PRSS23: variants seen among roughly 807,000 people sequenced by gnomAD.
PRSS23 encodes the protein protease, serine 23.
A neutral mutation model predicts 34.7 loss-of-function variants in PRSS23; 25 were observed. That is an observed-to-expected ratio of 0.72 (90% confidence interval 0.53 to 1.01). The LOEUF (loss-of-function observed/expected upper bound fraction) is 1.01, where lower values mean the gene tolerates loss of function less well. Ranked by LOEUF, PRSS23 falls within the 50% of genes least tolerant of loss-of-function variation. The pLI is 0.00. For synonymous variants in PRSS23, 176 were observed against 186.6 expected (o/e 0.94, Z 0.46); for missense variants, 445 against 475.6 (o/e 0.94, Z 0.60).
chr11:86,843,557 A>G (rs1948464219), intron 2 of PRSS23, among the ~76,000 whole-genome samples: 1 of 152,238 alleles, frequency 6.6e-6, no homozygotes, highest in Non-Finnish European at 1.5e-5. Flanking sequence ...TCTACAATGA[A>G]CTTAAACAAA....
At position 86,808,707 on chromosome 11, in the gene PRSS23, T is replaced by C; in HGVS notation, c.1064T>C (p.Phe355Ser). The C allele has an allele frequency of 6.2e-7, 1 of 1,614,186 alleles. No individual in the cohort carries two copies. Among genetic ancestry groups the C allele is most frequent in the Non-Finnish European group, 8.5e-7 (1 of 1,180,030 alleles). ...GACATGAATGGTTCCCCACAGGATT[T>C]CAACGTGGCTGTCAGAATCACTCCT... is the stretch of plus-strand genomic sequence containing the variant. ...WVDMNGSPQD[F>S]NVAVRITPLK... Residue 355 changes from phenylalanine to serine, a missense_variant, in exon 2 of 2, where the codon TTC becomes TCC. By Grantham distance (155) the Phe-to-Ser change is radical (BLOSUM62 -2). Coordinates refer to ENST00000280258, the MANE Select transcript of PRSS23 (RefSeq NM_007173.6).
intron 1 of PRSS23, among the ~76,000 whole-genome samples, chr11:86,819,769 C>T (rs1291431676): frequency 1.3e-5 from 2 of 152,198 alleles, no homozygotes; most frequent in Non-Finnish European, 2.9e-5. Context: ...AAGATGAATA[C>T]ATTTTCATCT....
At chr11:86,821,477 T>C in intron 1 of PRSS23, 1 of 1,610,240 alleles carries the variant, frequency 6.2e-7, no homozygotes, top group Non-Finnish European at 8.5e-7. Flanking sequence ...AGGACACTCT[T>C]TCAGAGCTTT....
intron 1 of PRSS23, among the ~76,000 whole-genome samples, chr11:86,794,030 C>T (rs2000538): frequency 7.2e-5 from 11 of 152,030 alleles, no homozygotes; most frequent in Admixed American, 4.6e-4. Context: ...GAATTTTCCA[C>T]AAAGTAAAGG....
intron 2 of PRSS23, among the ~76,000 whole-genome samples, chr11:86,916,938 C>T (rs1949016865): frequency 6.6e-6 from 1 of 152,180 alleles, no homozygotes; most frequent in African/African-American, 2.4e-5. Context: ...ACAGCTTAGC[C>T]CAGCACCGAG....
At chr11:86,872,424 GAT>G (rs1295631099) in intron 2 of PRSS23, among the ~76,000 whole-genome samples, 1 of 152,140 alleles carries the variant, frequency 6.6e-6, no homozygotes, top group Non-Finnish European at 1.5e-5. Flanking sequence ...ACACGTTCCT[GAT>G]TCCAACATTC....
chr11:86,921,968 G>A (rs1949049981), intron 2 of PRSS23: 2 of 152,178 alleles, frequency 1.3e-5, no homozygotes, highest in South Asian at 4.1e-4. Flanking sequence ...TAAACTTGAG[G>A]CTGACATCCA....
chr11:86,832,241 C>G (rs1206234759), intron 2 of PRSS23, among the ~76,000 whole-genome samples: 4 of 152,012 alleles, frequency 2.6e-5, no homozygotes, highest in African/African-American at 9.7e-5. Context: ...TGTGAACACC[C>G]TTGATATTAT....
chr11:86,944,438 CAA>C lies in PRSS23; in HGVS notation c.207-6775_207-6774del, dbSNP rs145252875. 7.1e-3 allele frequency among the ~76,000 whole-genome samples: 1,079 copies of C among 152,160 alleles called. 12 individuals are homozygous for C. Among genetic ancestry groups the C allele is most frequent in the African/African-American group, 0.025 (1,023 of 41,508 alleles). The stretch of plus-strand genomic sequence containing the variant: ...AACCCACAGGAGTATAAAACAAAAA[CAA>C]AAGAAAACCCTGTATAAAATAAAAA... On this transcript the variant is annotated intron_variant, in intron 2 of 2. Transcript: ENST00000533902.
chr11:86,878,641 G>C (rs2134957098), intron 2 of PRSS23, among the ~76,000 whole-genome samples: 1 of 152,164 alleles, frequency 6.6e-6, no homozygotes, highest in African/African-American at 2.4e-5. Context: ...CGCCTGCCTT[G>C]GCCTCCCAAA....
At chr11:86,852,439 GGC>G (rs1437167443) in intron 2 of PRSS23, among the ~76,000 whole-genome samples, 2 of 152,008 alleles carry the variant, frequency 1.3e-5, no homozygotes, top group African/African-American at 4.8e-5. Flanking sequence ...GAAGCTTTGG[GGC>G]TCTTCCTCTA....
intron 2 of PRSS23, among the ~76,000 whole-genome samples, chr11:86,848,542 A>T (rs1948505009): frequency 6.6e-6 from 1 of 152,204 alleles, no homozygotes; most frequent in Non-Finnish European, 1.5e-5. Context: ...GGAAAAGAAG[A>T]AAATCCCCTC....
chr11:86,822,243 T>G (rs1639102407), intron 1 of PRSS23, among the ~76,000 whole-genome samples: 1 of 152,170 alleles, frequency 6.6e-6, no homozygotes, highest in South Asian at 2.1e-4. Context: ...GCCAAAGAGA[T>G]AACAGGGGAG....
chr11:86,909,734 C>A (rs1184116103), intron 2 of PRSS23: 1 of 152,188 alleles, frequency 6.6e-6, no homozygotes, highest in Admixed American at 6.5e-5. Flanking sequence ...CATTAATGTA[C>A]CCCTTTCTAA....
intron 2 of PRSS23, among the ~76,000 whole-genome samples, chr11:86,873,808 G>A (rs568256799): frequency 5.3e-5 from 8 of 152,264 alleles, no homozygotes; most frequent in South Asian, 2.1e-4. Context: ...ATGAACGGAC[G>A]GAACATGAGA....
intron 2 of PRSS23, among the ~76,000 whole-genome samples, chr11:86,889,648 A>G (rs1948828039): frequency 6.6e-6 from 1 of 152,198 alleles, no homozygotes; most frequent in Non-Finnish European, 1.5e-5. Flanking sequence ...ATACTGTTGC[A>G]TTGTGGATTA....
At chr11:86,824,356 A>AAAATAAAATAAAATAAAATAAAATAAAAT (rs1555071059) in intron 2 of PRSS23, among the ~76,000 whole-genome samples, 1 of 149,204 alleles carries the variant, frequency 6.7e-6, no homozygotes, top group Non-Finnish European at 1.5e-5. Context: ...AAAATAAAAT[A>AAAATAAAATAAAATAAAATAAAATAAAAT]AAATAAAATA....
At chr11:86,913,001 T>C (rs1410316206) in intron 2 of PRSS23, among the ~76,000 whole-genome samples, 1 of 152,164 alleles carries the variant, frequency 6.6e-6, no homozygotes, top group Non-Finnish European at 1.5e-5. Flanking sequence ...GAAATCTCTG[T>C]TTAGTTGTTT....
At chr11:86,848,552 C>T (rs1432229296) in intron 2 of PRSS23, among the ~76,000 whole-genome samples, 2 of 152,166 alleles carry the variant, frequency 1.3e-5, no homozygotes, top group Admixed American at 1.3e-4. Context: ...AAAATCCCCT[C>T]AGCCTTTCTA....
Sources: allele counts gnomAD v4.1 joint callset (sites outside exome capture counted in the v4.1 genomes callset), GRCh38; gene constraint gnomAD v4.1.1; transcripts MANE v1.5; gene names NCBI Gene and HGNC (gene_info 2026-07-23, HGNC 2026-07-21).